The following CACNG4 variants were observed in gnomAD, a reference collection of about 807,000 sequenced individuals.
The protein encoded by CACNG4 is calcium voltage-gated channel auxiliary subunit gamma 4.
CACNG4 carries 8 observed loss-of-function variants against 22.9 expected under a neutral mutation model. The ratio of observed to expected loss-of-function variants is 0.35; its 90% CI spans 0.21 to 0.63. CACNG4 has a LOEUF of 0.63. CACNG4 is among the 30% of genes least tolerant of loss of function. The probability of loss-of-function intolerance (pLI) is 0.72; values close to 1 mark genes in which losing one functional copy is unlikely to be tolerated. For missense variants in CACNG4, 357 were observed against 455.4 expected (o/e 0.78, Z 1.97); for synonymous variants, 188 against 191.9 (o/e 0.98, Z 0.17).
intron 1 of CACNG4, among the ~76,000 whole-genome samples, chr17:66,975,884 GGT>G (rs1466166183): frequency 6.6e-6 from 1 of 152,246 alleles, no homozygotes; most frequent in Non-Finnish European, 1.5e-5. Flanking sequence ...CAGCCACCCA[GGT>G]GTGTGTTCCC....
intron 1 of CACNG4, among the ~76,000 whole-genome samples, chr17:67,000,478 G>A (rs928039582): frequency 1.3e-5 from 2 of 152,116 alleles, no homozygotes; most frequent in Admixed American, 1.3e-4. Context: ...GGAGGAAGCT[G>A]AGGCTGAGTG....
rs2035595773 is a variant in CACNG4 at position 67,030,404 on chromosome 17, G to C, written c.446-62G>C. The C allele has an allele frequency of 1.4e-6, 2 of 1,447,522 alleles. No individual in the cohort carries two copies. The highest frequency in any genetic ancestry group is 9.6e-7 in the Non-Finnish European group (1 of 1,042,796). 89.7% of individuals were successfully genotyped at this position (1,447,522 alleles called of 1,614,324 possible). On this transcript the variant is annotated intron_variant, in intron 3 of 3. Coordinates refer to ENST00000262138, the MANE Select transcript of CACNG4 (RefSeq NM_014405.4). The surrounding 1 kb of genome is among the most constrained non-coding windows in gnomAD (Gnocchi z 6.4). ...TTCCCTACACTGCCCGTCCCACTGTGGGTCTAACCTCTGCCTCTCTCCCTC... is the reference window on the plus strand; with the variant it reads ...TTCCCTACACTGCCCGTCCCACTGTCGGTCTAACCTCTGCCTCTCTCCCTC...
intron 3 of CACNG4, among the ~76,000 whole-genome samples, 174 bp downstream of exon 3, chr17:67,025,174 A>T (rs1156236384): frequency 6.6e-6 from 1 of 152,106 alleles, no homozygotes; most frequent in Admixed American, 6.5e-5. Context: ...GTGGATGGAG[A>T]ATGGGGAGCA....
chr17:67,001,622 T>C (rs2035408401), intron 1 of CACNG4, among the ~76,000 whole-genome samples: 1 of 152,204 alleles, frequency 6.6e-6, no homozygotes, highest in Non-Finnish European at 1.5e-5. Flanking sequence ...TTCACCACCA[T>C]AGCCAGGGCC....
Position 67,031,354 on chromosome 17 carries a change from T to C in CACNG4, c.*350T>C. On this transcript the variant is annotated 3_prime_UTR_variant, in exon 4 of 4. Transcript: ENST00000262138. The surrounding 1 kb of genome is among the most constrained non-coding windows in gnomAD (Gnocchi z 4.0). The stretch of plus-strand genomic sequence containing the variant: ...GCCATTATCTCCTCTTGGAAACGAA[T>C]CTTGCCAGAAAAACGGGATTTCAGG... The C allele has an allele frequency of 2.0e-6, 1 of 495,992 alleles. No individual in the cohort carries two copies. The highest frequency in any genetic ancestry group is 3.9e-6 in the Non-Finnish European group (1 of 253,640). 30.7% of individuals were successfully genotyped at this position (495,992 alleles called of 1,614,324 possible).
At position 67,024,861 on chromosome 17, in the gene CACNG4, C is replaced by T. The variant is rs1234313082; in HGVS notation, c.306C>T (p.Arg102=). The change falls in exon 3 of 4, where the codon CGC becomes CGT. Residue 102 remains arginine, a splice_region_variant and synonymous_variant. Transcript: ENST00000262138. ...YDHDSSEYLL[R]IVRASSVFPI... ...TGTGCCCCCCACCTCCCCGGCCAGG[C>T]ATCGTGCGAGCCTCCAGCGTCTTCC... 6.5e-7 allele frequency: 1 copy of T among 1,548,342 alleles called. No homozygotes were observed. The highest frequency in any genetic ancestry group is 1.4e-5 in the African/African-American group (1 of 72,420).
intron 2 of CACNG4, 88 bp from the exon 3 acceptor site, chr17:67,024,772 A>G (rs1402241480): frequency 2.2e-6 from 3 of 1,335,560 alleles, no homozygotes; most frequent in Middle Eastern, 2.0e-4. Context: ...CTGGAGCTGC[A>G]AGGTTCCTGG....
At chr17:66,998,575 C>T (rs961964245) in intron 1 of CACNG4, among the ~76,000 whole-genome samples, 1 of 152,164 alleles carries the variant, frequency 6.6e-6, no homozygotes, top group Admixed American at 6.5e-5. Context: ...AGCCAAGTTC[C>T]CCACCTTCAG....
intron 1 of CACNG4, among the ~76,000 whole-genome samples, chr17:66,998,880 G>T (rs1009994942): frequency 6.6e-6 from 1 of 152,262 alleles, no homozygotes; most frequent in Admixed American, 6.5e-5. Context: ...AGAAGCTGGT[G>T]AAGGGGAGAT....
At chr17:66,990,451 T>A (rs1459366812) in intron 1 of CACNG4, among the ~76,000 whole-genome samples, 1 of 152,206 alleles carries the variant, frequency 6.6e-6, no homozygotes, top group East Asian at 1.9e-4. Context: ...GAGGATGTTA[T>A]ACAGGGGCAC....
intron 1 of CACNG4, among the ~76,000 whole-genome samples, chr17:67,001,871 C>T (rs1224427529): frequency 2.0e-5 from 3 of 152,196 alleles, no homozygotes; most frequent in Non-Finnish European, 4.4e-5. Context: ...TGTTGGGTGC[C>T]ATGGGGCTTG....
chr17:67,015,462 T>C (rs1488403669), intron 1 of CACNG4, among the ~76,000 whole-genome samples: 1 of 152,196 alleles, frequency 6.6e-6, no homozygotes. Flanking sequence ...TGACTGTCAA[T>C]GTCAGCGTCC....
At chr17:66,977,772 G>A (rs1211468999) in intron 1 of CACNG4, among the ~76,000 whole-genome samples, 1 of 152,188 alleles carries the variant, frequency 6.6e-6, no homozygotes, top group Non-Finnish European at 1.5e-5. Context: ...ACTTAAAACT[G>A]TGTCGTCCTT....
intron 1 of CACNG4, among the ~76,000 whole-genome samples, chr17:67,002,753 G>C (rs956367911): frequency 1.3e-5 from 2 of 152,174 alleles, no homozygotes; most frequent in East Asian, 3.9e-4. Context: ...CCTTGGGCAA[G>C]TTACTTGCCC....
chr17:67,021,117 T>C (rs1037319748), intron 2 of CACNG4, among the ~76,000 whole-genome samples: 1 of 152,022 alleles, frequency 6.6e-6, no homozygotes, highest in Non-Finnish European at 1.5e-5. Flanking sequence ...GGGCGGATCA[T>C]TTGAGCCGAG....
At chr17:67,009,853 C>CA (rs11405725) in intron 1 of CACNG4, among the ~76,000 whole-genome samples, 3,387 of 152,250 alleles carry the variant, frequency 0.022, 120 homozygotes, top group African/African-American at 0.078. Context: ...ATCATCACCT[C>CA]AGGGTTAGGA....
chr17:66,993,675 G>A (rs779799453), intron 1 of CACNG4, among the ~76,000 whole-genome samples: 3 of 152,246 alleles, frequency 2.0e-5, no homozygotes, highest in Non-Finnish European at 2.9e-5. Context: ...GCGCGATCTC[G>A]GCTCATTGCA....
At chr17:66,992,814 T>C (rs377367701) in intron 1 of CACNG4, among the ~76,000 whole-genome samples, 1 of 152,226 alleles carries the variant, frequency 6.6e-6, no homozygotes, top group Non-Finnish European at 1.5e-5. Context: ...TTCGCACTTG[T>C]GATTGTGTGT....
At chr17:66,992,305 C>T (rs1198874631) in intron 1 of CACNG4, among the ~76,000 whole-genome samples, 1 of 152,170 alleles carries the variant, frequency 6.6e-6, no homozygotes, top group Non-Finnish European at 1.5e-5. Context: ...CATGTTGGAT[C>T]AATCCAAGAA....
Sources: allele counts gnomAD v4.1 joint callset (sites outside exome capture counted in the v4.1 genomes callset), GRCh38; gene constraint gnomAD v4.1.1; non-coding constraint Gnocchi (gnomAD v3.1); transcripts MANE v1.5; gene names NCBI Gene and HGNC (gene_info 2026-07-23, HGNC 2026-07-21).